The following FHIP1A variants were observed in gnomAD, a reference collection of about 807,000 sequenced individuals.
The protein encoded by FHIP1A is FHF complex subunit HOOK-interacting protein 1A.
A neutral mutation model predicts 88.6 loss-of-function variants in FHIP1A; 61 were observed. That is an observed-to-expected ratio of 0.69 (90% CI 0.56 to 0.85). FHIP1A has a LOEUF of 0.85. FHIP1A is among the 40% of genes least tolerant of loss of function. FHIP1A has a pLI of 0.00. For missense variants in FHIP1A, 1,154 were observed against 1,273.5 expected (o/e 0.91, Z 1.43); for synonymous variants, 478 against 496.0 (o/e 0.96, Z 0.48).
intron 2 of FHIP1A, among the ~76,000 whole-genome samples, chr4:151,468,284 CAA>C (rs921242622): frequency 4.7e-4 from 18 of 38,312 alleles, no homozygotes; most frequent in African/African-American, 1.1e-3. Context: ...GACTCCATCT[CAA>C]AAAAAAAAAA....
rs530432187 is a variant in FHIP1A at position 151,413,930 on chromosome 4, C to T, written c.-356+4465C>T. On this transcript the variant is annotated intron_variant, in intron 1 of 13. Transcript: ENST00000435205. ...GTCACATAACTGTAGAGACAAACCT[C>T]TCCCAGACAAGGTCAACTGTAGAGA... Among the ~76,000 whole-genome samples the T allele has an allele frequency of 2.6e-5, 4 of 152,286 alleles. No homozygotes were observed. In the South Asian group the frequency reaches 8.3e-4, roughly 32 times the overall value.
chr4:151,465,501 G>A (rs1273981928), intron 2 of FHIP1A, among the ~76,000 whole-genome samples: 3 of 152,136 alleles, frequency 2.0e-5, no homozygotes, highest in Admixed American at 6.5e-5. Flanking sequence ...AAAAAGGAGG[G>A]ACTCTTCCCT....
chr4:151,422,600 A>T (rs1733213979), intron 1 of FHIP1A, among the ~76,000 whole-genome samples: 1 of 152,180 alleles, frequency 6.6e-6, no homozygotes, highest in Non-Finnish European at 1.5e-5. Context: ...CATGTTGGCC[A>T]GGCTGGTCTC....
intron 3 of FHIP1A, among the ~76,000 whole-genome samples, chr4:151,521,507 C>T (rs1731441819): frequency 6.6e-6 from 1 of 152,074 alleles, no homozygotes; most frequent in Non-Finnish European, 1.5e-5. Context: ...TAATCAGGGT[C>T]TGATAGCTGT....
Position 151,664,071 on chromosome 4 carries a change from A to G in FHIP1A, c.*1317A>G, listed in dbSNP as rs1236642058. ...CCATAAACAACTGATTTTTATGGAT[A>G]TTAAATTCCACTCCCCTCTATTTTG... On this transcript the variant is annotated 3_prime_UTR_variant, in exon 14 of 14. Coordinates refer to ENST00000435205, the MANE Select transcript of FHIP1A (RefSeq NM_001109977.3). Among the ~76,000 whole-genome samples, 1 of 152,206 alleles carries G rather than the reference A, an allele frequency of 6.6e-6. No homozygotes were observed. The highest frequency in any genetic ancestry group is 2.4e-5 in the African/African-American group (1 of 41,454).
intron 7 of FHIP1A, among the ~76,000 whole-genome samples, chr4:151,600,433 T>A (rs1339543431): frequency 5.9e-5 from 9 of 152,200 alleles, no homozygotes; most frequent in Non-Finnish European, 1.3e-4. Flanking sequence ...ATGTATTTAG[T>A]CAGGGCCCCA....
At chr4:151,450,669 C>CT in intron 1 of FHIP1A, among the ~76,000 whole-genome samples, 1 of 152,236 alleles carries the variant, frequency 6.6e-6, no homozygotes, top group East Asian at 1.9e-4. Flanking sequence ...CAACAAATGT[C>CT]TTTAAGATTT....
At chr4:151,640,097 C>A (rs937089003) in intron 9 of FHIP1A, among the ~76,000 whole-genome samples, 3 of 152,186 alleles carry the variant, frequency 2.0e-5, no homozygotes, top group African/African-American at 7.2e-5. Context: ...GGTCTCCTCT[C>A]GGACCTACTG....
At chr4:151,440,719 C>A (rs1307580627) in intron 1 of FHIP1A, among the ~76,000 whole-genome samples, 1 of 152,130 alleles carries the variant, frequency 6.6e-6, no homozygotes, top group East Asian at 1.9e-4. Context: ...AACTGGCCAA[C>A]TGCCCAGGAA....
rs1006770015 is a variant in FHIP1A at position 151,663,774 on chromosome 4, C to G, written c.*1020C>G. ...TAGTAAGCTGCACTTTGTAGAGAAA[C>G]AGGAACTGTACAGCCCACTTTGGGA... On this transcript the variant is annotated 3_prime_UTR_variant, in exon 14 of 14. Transcript: ENST00000435205. The G allele has an allele frequency of 2.6e-4, 39 of 152,236 alleles. No homozygotes were observed. Among genetic ancestry groups the G allele is most frequent in the African/African-American group, 8.9e-4 (37 of 41,548 alleles). The allele number at this position is 152,236 out of a possible 1,614,324, so 9.4% of individuals were successfully genotyped here.
Position 151,656,505 on chromosome 4 carries a change from T to A in FHIP1A, c.2730+95T>A. 7.8e-7 allele frequency: 1 copy of A among 1,285,550 alleles called. No individual in the cohort carries two copies. The highest frequency in any genetic ancestry group is 1.1e-6 in the Non-Finnish European group (1 of 933,366). The allele number at this position is 1,285,550 out of a possible 1,614,324, so 79.6% of individuals were successfully genotyped here. A position where few individuals can be genotyped will look rare whatever the true frequency, so the allele number is the denominator to read the frequency against. On this transcript the variant is annotated intron_variant, in intron 12 of 13. Coordinates refer to ENST00000435205, the MANE Select transcript of FHIP1A (RefSeq NM_001109977.3). The surrounding 1 kb of genome is among the most constrained non-coding windows in gnomAD (Gnocchi z 4.2). ...CTTTATTTTGTTTTTCAAAAATTCC[T>A]TTGCTCTAATTCATTTGCTTTCCTT...
chr4:151,622,711 CTG>C (rs915760632), intron 7 of FHIP1A, among the ~76,000 whole-genome samples: 6 of 152,124 alleles, frequency 3.9e-5, no homozygotes, highest in African/African-American at 1.4e-4. Flanking sequence ...AAAAAGGACT[CTG>C]TGGAACAATT....
Position 151,586,509 on chromosome 4 carries a change from C to T in FHIP1A, c.733-132C>T, listed in dbSNP as rs191064187. ...ATCGTTTTTAGCTGGCTGACGGGCT[C>T]TTATACCTTTAATACCTTGCTACTT... is the stretch of plus-strand genomic sequence containing the variant. On this transcript the variant is annotated intron_variant, in intron 5 of 13. Coordinates refer to ENST00000435205, the MANE Select transcript of FHIP1A (RefSeq NM_001109977.3). 6.8e-5 allele frequency: 45 copies of T among 663,008 alleles called. No individual in the cohort carries two copies. The African/African-American group carries it at 7.4e-4, about 11-fold the overall frequency. 41.1% of individuals were successfully genotyped at this position (663,008 alleles called of 1,614,324 possible). A position where few individuals can be genotyped will look rare whatever the true frequency, so the allele number is the denominator to read the frequency against.
chr4:151,476,454 A>G (rs1729710183), intron 2 of FHIP1A, among the ~76,000 whole-genome samples: 1 of 152,092 alleles, frequency 6.6e-6, no homozygotes. Context: ...TGGACCTATT[A>G]TTGATTTTAT....
chr4:151,596,080 G>T (rs2126820807), intron 7 of FHIP1A, among the ~76,000 whole-genome samples: 1 of 152,288 alleles, frequency 6.6e-6, no homozygotes, highest in East Asian at 1.9e-4. Flanking sequence ...ATGCTAGCTG[G>T]TTATTTTGCC....
chr4:151,556,979 A>G (rs1352736304), intron 3 of FHIP1A, among the ~76,000 whole-genome samples: 1 of 152,154 alleles, frequency 6.6e-6, no homozygotes, highest in Non-Finnish European at 1.5e-5. Context: ...ATGCCTCGCT[A>G]AGGGATGTTA....
intron 2 of FHIP1A, 150 bp from the exon 3 acceptor site, chr4:151,482,374 T>C (rs551192198): frequency 9.2e-5 from 14 of 152,032 alleles, no homozygotes; most frequent in Non-Finnish European, 5.9e-5. Flanking sequence ...TTTTGCTTAT[T>C]TATTTATTTT....
At chr4:151,514,565 A>G (rs920141840) in intron 3 of FHIP1A, among the ~76,000 whole-genome samples, 3 of 152,116 alleles carry the variant, frequency 2.0e-5, no homozygotes, top group African/African-American at 7.2e-5. Context: ...AGCAAGACTA[A>G]TAAAGAAGAA....
chr4:151,415,181 T>G (rs1269208423), intron 1 of FHIP1A, among the ~76,000 whole-genome samples: 2 of 151,750 alleles, frequency 1.3e-5, no homozygotes, highest in African/African-American at 4.8e-5. Context: ...ATAGTTTTTT[T>G]GGTTTTTTTT....
Sources: allele counts gnomAD v4.1 joint callset (sites outside exome capture counted in the v4.1 genomes callset), GRCh38; gene constraint gnomAD v4.1.1; non-coding constraint Gnocchi (gnomAD v3.1); transcripts MANE v1.5; gene names NCBI Gene and HGNC (gene_info 2026-07-23, HGNC 2026-07-21).